MSRA: variants seen among roughly 807,000 people sequenced by gnomAD.
MSRA encodes the protein methionine sulfoxide reductase A.
MSRA carries 54 observed loss-of-function variants against 31.3 expected under a neutral mutation model. The observed-to-expected ratio is 1.73, with a 90% CI of 1.39 to 2.17. The LOEUF (loss-of-function observed/expected upper bound fraction) is 2.17, where lower values mean the gene tolerates loss of function less well. Among genes scored for constraint, MSRA ranks in the 30% most tolerant of loss-of-function variants. The pLI, the probability that MSRA is intolerant of heterozygous loss-of-function variation, is 0.00. For synonymous variants in MSRA, 169 were observed against 116.5 expected, an observed-to-expected ratio of 1.45 and a Z score of -2.90; for missense variants, 507 against 300.9, an observed-to-expected ratio of 1.69 and a Z score of -5.07.
chr8:10,222,915 A>G (rs1810656725), intron 2 of MSRA, among the ~76,000 whole-genome samples: 1 of 152,204 alleles, frequency 6.6e-6, no homozygotes, highest in African/African-American at 2.4e-5. Context: ...ATAGTTAATA[A>G]TAATACATTG....
At position 10,115,712 on chromosome 8, in the gene MSRA, C is replaced by A. The variant is rs544994800; in HGVS notation, c.142+61054C>A. Among the ~76,000 whole-genome samples, 34 of 152,182 alleles carry A rather than the reference C, an allele frequency of 2.2e-4. No homozygotes were observed. The South Asian group carries it at 6.4e-3, about 29-fold the overall frequency. On this transcript the variant is annotated intron_variant, in intron 1 of 5. Coordinates refer to ENST00000317173, the MANE Select transcript of MSRA (RefSeq NM_012331.5). ...TCCATTCATGATTAAGGAGGGCCCA[C>A]GGATCTGCGTGATGAATTTGAGGAG...
chr8:10,245,380 T>A (rs920961084), intron 3 of MSRA, among the ~76,000 whole-genome samples, 157 bp downstream of exon 3: 2 of 152,264 alleles, frequency 1.3e-5, no homozygotes, highest in Non-Finnish European at 1.5e-5. Context: ...CTTCTCACTT[T>A]ATATGTTTAG....
chr8:10,136,889 C>G (rs183169751), intron 1 of MSRA, among the ~76,000 whole-genome samples: 1 of 152,338 alleles, frequency 6.6e-6, no homozygotes, highest in East Asian at 1.9e-4. Context: ...TCCCTGTACT[C>G]AGTGTCCACC....
At chr8:10,150,380 T>C (rs1253871267) in intron 1 of MSRA, among the ~76,000 whole-genome samples, 1 of 152,190 alleles carries the variant, frequency 6.6e-6, no homozygotes, top group Admixed American at 6.5e-5. Flanking sequence ...ATTACCATAG[T>C]CATTGTTTAC....
At chr8:10,187,603 G>A (rs7006628) in intron 1 of MSRA, among the ~76,000 whole-genome samples, 67,801 of 152,046 alleles carry the variant, frequency 0.45, 15,188 homozygotes, top group South Asian at 0.59. Flanking sequence ...AAATAGGTGG[G>A]CTATCCACTG....
intron 1 of MSRA, among the ~76,000 whole-genome samples, chr8:10,147,594 G>A (rs1325832728): frequency 2.6e-5 from 4 of 152,236 alleles, no homozygotes; most frequent in African/African-American, 9.6e-5. Flanking sequence ...CACAGGGCAT[G>A]AGAACAGGAG....
intron 5 of MSRA, among the ~76,000 whole-genome samples, chr8:10,424,940 C>G (rs1809048003): frequency 6.6e-6 from 1 of 152,174 alleles, no homozygotes; most frequent in African/African-American, 2.4e-5. Context: ...GCTGCGAAGC[C>G]CACTGAAATC....
rs141879537 is a variant in MSRA at position 10,157,945 on chromosome 8, C to T, written c.143-49888C>T. ...GTCTTATTCCATTGGGCTACTATAACAGAATACCATATACTGGGTGGCTTA... is the reference window on the plus strand; with the variant it reads ...GTCTTATTCCATTGGGCTACTATAATAGAATACCATATACTGGGTGGCTTA... On this transcript the variant is annotated intron_variant, in intron 1 of 5. Coordinates refer to ENST00000317173, the MANE Select transcript of MSRA (RefSeq NM_012331.5). Among the ~76,000 whole-genome samples the T allele has an allele frequency of 4.1e-3, 624 of 152,244 alleles. 10 individuals are homozygous for T. Among genetic ancestry groups the T allele is most frequent in the African/African-American group, 0.014 (587 of 41,534 alleles).
chr8:10,138,796 T>C (rs1434693110), intron 1 of MSRA, among the ~76,000 whole-genome samples: 5 of 152,206 alleles, frequency 3.3e-5, no homozygotes, highest in Admixed American at 2.0e-4. Context: ...ACTGTGCTAG[T>C]GCAGAACTAA....
At chr8:10,083,795 C>T (rs1002601221) in intron 1 of MSRA, among the ~76,000 whole-genome samples, 12 of 151,960 alleles carry the variant, frequency 7.9e-5, no homozygotes, top group African/African-American at 2.9e-4. Flanking sequence ...GGATTAATGG[C>T]GTCTGTATTC....
chr8:10,100,976 A>G lies in MSRA; in HGVS notation c.142+46318A>G, dbSNP rs555272180. Reference sequence around the variant, plus strand: ...CAATGTCATTTATATCTCTTTTCCTATTAGCCCTTCTAAGTTATTGTACCT... The same window carrying G: ...CAATGTCATTTATATCTCTTTTCCTGTTAGCCCTTCTAAGTTATTGTACCT... On this transcript the variant is annotated intron_variant, in intron 1 of 5. Transcript: ENST00000317173. Among the ~76,000 whole-genome samples the G allele has an allele frequency of 8.5e-5, 13 of 152,198 alleles. No homozygotes were observed. The South Asian group carries it at 1.9e-3, about 22-fold the overall frequency.
intron 5 of MSRA, chr8:10,353,625 C>T (rs1286960061): frequency 4.4e-6 from 2 of 456,096 alleles, no homozygotes; most frequent in Non-Finnish European, 4.4e-6. Context: ...GGTACCCAAG[C>T]ATGTTCACTG....
chr8:10,248,146 CCA>C (rs534078589), intron 3 of MSRA, among the ~76,000 whole-genome samples: 3 of 152,132 alleles, frequency 2.0e-5, no homozygotes, highest in African/African-American at 7.2e-5. Context: ...TTGCTGAGGT[CCA>C]TTGTGGGAGA....
chr8:10,362,004 A>AT (rs1323814042), intron 5 of MSRA, among the ~76,000 whole-genome samples: 3 of 151,448 alleles, frequency 2.0e-5, no homozygotes, highest in African/African-American at 7.3e-5. Context: ...TCGTTGTTTC[A>AT]TTTTGTTTTC....
intron 1 of MSRA, among the ~76,000 whole-genome samples, chr8:10,106,625 C>T (rs149539395): frequency 1.8e-4 from 28 of 152,306 alleles, no homozygotes; most frequent in Non-Finnish European, 2.8e-4. Flanking sequence ...AGTGCCTGGG[C>T]TTGTTAGTAG....
chr8:10,085,251 A>C lies in MSRA; in HGVS notation c.142+30593A>C, dbSNP rs79522021. ...TCCTGCCTTTGGGTTTGTTCTTGAG[A>C]ATACCCACCCTATTCCACGTTTCTG... is the stretch of plus-strand genomic sequence containing the variant. On this transcript the variant is annotated intron_variant, in intron 1 of 5. Coordinates refer to ENST00000317173, the MANE Select transcript of MSRA (RefSeq NM_012331.5). 5.7e-3 allele frequency among the ~76,000 whole-genome samples: 867 copies of C among 152,250 alleles called. 13 individuals carry two copies. Among genetic ancestry groups the C allele is most frequent in the African/African-American group, 0.019 (789 of 41,546 alleles).
At chr8:10,325,562 G>C (rs972351139) in intron 5 of MSRA, among the ~76,000 whole-genome samples, 1 of 152,130 alleles carries the variant, frequency 6.6e-6, no homozygotes, top group Admixed American at 6.5e-5. Flanking sequence ...GCCCTTTTAA[G>C]TTTTGAAACT....
intron 1 of MSRA, among the ~76,000 whole-genome samples, chr8:10,057,002 C>A (rs998895252): frequency 6.6e-6 from 1 of 152,198 alleles, no homozygotes. Flanking sequence ...TAGCGTTCAT[C>A]CTACCATTTT....
At chr8:10,108,770 T>C (rs1435732198) in intron 1 of MSRA, among the ~76,000 whole-genome samples, 1 of 152,054 alleles carries the variant, frequency 6.6e-6, no homozygotes, top group Admixed American at 6.6e-5. Flanking sequence ...AACAAACTAA[T>C]GACTGGTGGT....
Sources: gnomAD v4.1 joint callset for allele counts (sites outside exome capture counted in the v4.1 genomes callset) on GRCh38, gnomAD v4.1.1 for gene constraint, MANE v1.5 for transcripts, NCBI Gene and HGNC (gene_info 2026-07-23, HGNC 2026-07-21) for gene names.